The following TFEB variants were observed in gnomAD, a reference collection of about 807,000 sequenced individuals.
The protein encoded by TFEB is T-cell transcription factor EB.
TFEB carries 12 observed loss-of-function variants against 48.0 expected under a neutral mutation model. The ratio of observed to expected loss-of-function variants is 0.25; its 90% CI spans 0.16 to 0.40. TFEB has a LOEUF of 0.40. Among genes scored for constraint, TFEB ranks in the 10% least tolerant of loss-of-function variants. TFEB has a pLI of 1.00. For missense variants in TFEB, 509 were observed against 640.3 expected (o/e 0.79, Z 2.21); for synonymous variants, 244 against 261.4 (o/e 0.93, Z 0.64).
intron 1 of TFEB, among the ~76,000 whole-genome samples, chr6:41,714,354 G>A (rs1219140988): frequency 6.6e-6 from 1 of 152,210 alleles, no homozygotes; most frequent in Non-Finnish European, 1.5e-5. Context: ...TTTTCCAGAT[G>A]AACAAACTGT....
intron 1 of TFEB, among the ~76,000 whole-genome samples, chr6:41,704,890 G>A (rs1250589957): frequency 6.6e-6 from 1 of 152,234 alleles, no homozygotes; most frequent in African/African-American, 2.4e-5. Context: ...GCTGCAGGTG[G>A]GCTCTGGCTC....
At position 41,725,212 on chromosome 6, in the gene TFEB, G is replaced by A. The variant is rs929942806; in HGVS notation, c.-23+10138C>T. Among the ~76,000 whole-genome samples, 8 of 152,160 alleles carry A rather than the reference G, an allele frequency of 5.3e-5. No individual in the cohort carries two copies. In the South Asian group the frequency reaches 1.0e-3, roughly 20 times the overall value. ...CTCAACCTCAACACCAGACACTCAG[G>A]GCCAGGTAATTAGTTACAGGGGCTG... On this transcript the variant is annotated intron_variant, in intron 1 of 8. Transcript: ENST00000373033.
At chr6:41,718,484 C>T (rs747253060) in intron 1 of TFEB, among the ~76,000 whole-genome samples, 3 of 152,132 alleles carry the variant, frequency 2.0e-5, no homozygotes, top group African/African-American at 7.2e-5. Context: ...GTTGGTATTA[C>T]AAGCATGAGC....
rs1770947806 is a variant in TFEB at position 41,720,839 on chromosome 6, C to T, written c.-23+14511G>A. 6.6e-6 allele frequency among the ~76,000 whole-genome samples: 1 copy of T among 152,146 alleles called. No individual in the cohort carries two copies. Among genetic ancestry groups the T allele is most frequent in the African/African-American group, 2.4e-5 (1 of 41,424 alleles). On this transcript the variant is annotated intron_variant, in intron 1 of 8. Coordinates refer to ENST00000373033, the MANE Select transcript of TFEB (RefSeq NM_001271944.2). This position sits in a 1 kb window ranked among gnomAD's most constrained non-coding sequence, Gnocchi z 4.1. ...TATATAATTATTCCATCATATATTA[C>T]AATGTAATAATCATAGAAATAAAGT...
At chr6:41,707,751 C>A (rs1012637436) in intron 1 of TFEB, among the ~76,000 whole-genome samples, 3 of 152,208 alleles carry the variant, frequency 2.0e-5, no homozygotes, top group Non-Finnish European at 4.4e-5. Context: ...AGGTATGCCA[C>A]CGCACGAAAT....
chr6:41,716,904 C>T (rs948868101), intron 1 of TFEB, among the ~76,000 whole-genome samples: 6 of 152,288 alleles, frequency 3.9e-5, no homozygotes, highest in East Asian at 1.9e-4. Flanking sequence ...TGGAGCATTT[C>T]GAACCTAACT....
At position 41,690,889 on chromosome 6, in the gene TFEB, G is replaced by A; in HGVS notation, c.242C>T (p.Ser81Phe). 6.2e-7 allele frequency: 1 copy of A among 1,602,260 alleles called. No homozygotes were observed. Among genetic ancestry groups the A allele is most frequent in the Non-Finnish European group, 8.5e-7 (1 of 1,172,154 alleles). Residue 81 changes from serine (S) to phenylalanine (F), a missense_variant, in exon 3 of 9, where the codon TCC becomes TTC. Transcript: ENST00000373033. ...KVQSYLENPTSYHLQQSQHQK... is the reference protein window; with the variant it reads ...KVQSYLENPTFYHLQQSQHQK... Reference sequence around the variant, plus strand: ...ATGCTGCGACTGCTGCAGATGGTAGGATGTGGGATTCTCCAGGTAGGACTG... The same window carrying A: ...ATGCTGCGACTGCTGCAGATGGTAGAATGTGGGATTCTCCAGGTAGGACTG...
At chr6:41,705,094 A>G (rs1770140011) in intron 1 of TFEB, among the ~76,000 whole-genome samples, 1 of 152,132 alleles carries the variant, frequency 6.6e-6, no homozygotes, top group Non-Finnish European at 1.5e-5. Flanking sequence ...GTACACACAC[A>G]CTGCACCAGG....
chr6:41,689,403 C>T (rs1268711462), intron 4 of TFEB, among the ~76,000 whole-genome samples: 3 of 152,148 alleles, frequency 2.0e-5, no homozygotes, highest in African/African-American at 7.2e-5. Flanking sequence ...GACACACTGC[C>T]CCTCCACCCA....
At chr6:41,704,738 G>T (rs1299051071) in intron 1 of TFEB, among the ~76,000 whole-genome samples, 1 of 152,222 alleles carries the variant, frequency 6.6e-6, no homozygotes, top group Admixed American at 6.5e-5. Flanking sequence ...TGGCGGGTGG[G>T]AGAACACAGC....
chr6:41,691,512 T>C lies in TFEB; in HGVS notation c.-22-277A>G. 3 of 642,150 alleles carry C rather than the reference T, an allele frequency of 4.7e-6. No homozygotes were observed. The highest frequency in any genetic ancestry group is 2.9e-5 in the East Asian group (1 of 34,816). The allele number at this position is 642,150 out of a possible 1,614,324, so 39.8% of individuals were successfully genotyped here. ...CCAAACTCTAAGAGTCAACTTCCAC[T>C]CCTCTCTGTGTCACGCCCACATCCT... On this transcript the variant is annotated intron_variant, in intron 1 of 8. Coordinates refer to ENST00000373033, the MANE Select transcript of TFEB (RefSeq NM_001271944.2). The surrounding 1 kb of genome is among the most constrained non-coding windows in gnomAD (Gnocchi z 5.2).
Position 41,691,582 on chromosome 6 carries a change from C to T in TFEB, c.-22-347G>A, listed in dbSNP as rs1333812026. ...TCATATCCACCCTCCTTTGCTGCCA[C>T]AAGGTGGGCCCAGCCTATCCTGGGT... is the stretch of plus-strand genomic sequence containing the variant. On this transcript the variant is annotated intron_variant, in intron 1 of 8. Coordinates refer to ENST00000373033, the MANE Select transcript of TFEB (RefSeq NM_001271944.2). The surrounding 1 kb of genome is among the most constrained non-coding windows in gnomAD (Gnocchi z 5.2). 1.9e-5 allele frequency: 9 copies of T among 476,928 alleles called. No homozygotes were observed. The highest frequency in any genetic ancestry group is 3.1e-5 in the Non-Finnish European group (8 of 255,152). 29.5% of individuals were successfully genotyped at this position (476,928 alleles called of 1,614,324 possible).
chr6:41,707,843 C>T (rs1188227264), intron 1 of TFEB, among the ~76,000 whole-genome samples: 10 of 152,244 alleles, frequency 6.6e-5, no homozygotes, highest in South Asian at 4.1e-4. Flanking sequence ...GCTCAGTTCC[C>T]GGCTGACTAA....
intron 1 of TFEB, among the ~76,000 whole-genome samples, chr6:41,728,668 G>T (rs1006271379): frequency 6.6e-6 from 1 of 152,134 alleles, no homozygotes; most frequent in Non-Finnish European, 1.5e-5. Flanking sequence ...CAGACCCACT[G>T]GTAGAACTCG....
chr6:41,707,341 A>G (rs1038963175), intron 1 of TFEB, among the ~76,000 whole-genome samples: 60 of 151,750 alleles, frequency 4.0e-4, no homozygotes, highest in African/African-American at 1.5e-3. Context: ...AGGCAGACAC[A>G]CTCCTACCCC....
At chr6:41,726,981 G>A (rs532808855) in intron 1 of TFEB, among the ~76,000 whole-genome samples, 2 of 152,202 alleles carry the variant, frequency 1.3e-5, no homozygotes, top group South Asian at 4.1e-4. Flanking sequence ...TCTAGGGAGG[G>A]TCCCTTCCCC....
chr6:41,714,181 GTGCATGTGCA>G (rs749329765), intron 1 of TFEB, among the ~76,000 whole-genome samples: 33 of 152,038 alleles, frequency 2.2e-4, no homozygotes, highest in African/African-American at 3.1e-4. Context: ...GTGCGTGTGT[GTGCATGTGCA>G]TGCATGTGCG....
Position 41,724,830 on chromosome 6 carries a change from C to CAGCCCCT in TFEB, c.-23+10513_-23+10519dup, listed in dbSNP as rs533713651. Among the ~76,000 whole-genome samples the CAGCCCCT allele has an allele frequency of 2.9e-4, 44 of 152,330 alleles. No homozygotes were observed. Among genetic ancestry groups the CAGCCCCT allele is most frequent in the Middle Eastern group, 3.4e-3 (1 of 294 alleles). ...CAGGGACTGTGGGGGAAGCGCCTCACAGCCCCTGCAGCAGCACGAACCAGG... is the reference window on the plus strand; with the variant it reads ...CAGGGACTGTGGGGGAAGCGCCTCACAGCCCCTAGCCCCTGCAGCAGCACGAACCAGG... On this transcript the variant is annotated intron_variant, in intron 1 of 8. Coordinates refer to ENST00000373033, the MANE Select transcript of TFEB (RefSeq NM_001271944.2). The surrounding 1 kb of genome is among the most constrained non-coding windows in gnomAD (Gnocchi z 4.4).
At chr6:41,707,864 C>A (rs954055440) in intron 1 of TFEB, among the ~76,000 whole-genome samples, 1 of 152,178 alleles carries the variant, frequency 6.6e-6, no homozygotes, top group African/African-American at 2.4e-5. Context: ...AAGGCAGCCA[C>A]GTGGCGGCCA....
Sources: allele counts gnomAD v4.1 joint callset (sites outside exome capture counted in the v4.1 genomes callset), GRCh38; gene constraint gnomAD v4.1.1; non-coding constraint Gnocchi (gnomAD v3.1); transcripts MANE v1.5; gene names NCBI Gene and HGNC (gene_info 2026-07-23, HGNC 2026-07-21).